The following CDC73 variants were observed in gnomAD, a reference collection of about 807,000 sequenced individuals.
CDC73 encodes the protein cell division cycle 73.
CDC73 carries 21 observed loss-of-function variants against 83.7 expected under a neutral mutation model. The observed-to-expected ratio is 0.25, with a 90% CI of 0.18 to 0.36. The LOEUF is 0.36. Ranked by LOEUF, CDC73 falls within the 10% of genes least tolerant of loss-of-function variation. The pLI, the probability that CDC73 is intolerant of heterozygous loss-of-function variation, is 1.00. For synonymous variants in CDC73, 224 were observed against 212.9 expected (o/e 1.05, Z -0.45); for missense variants, 342 against 653.3 (o/e 0.52, Z 5.19).
chr1:193,214,949 G>C (rs1273831604), intron 13 of CDC73, among the ~76,000 whole-genome samples: 5 of 152,170 alleles, frequency 3.3e-5, no homozygotes, highest in African/African-American at 1.2e-4. Context: ...TAACTAAAAA[G>C]TAAATTACTC....
chr1:193,152,482 G>T (rs1047229257), intron 10 of CDC73, 38 bp downstream of exon 10: 2 of 1,340,854 alleles, frequency 1.5e-6, no homozygotes, highest in South Asian at 2.3e-5. Flanking sequence ...TTTGTTCCAG[G>T]GATTTTATGT....
intron 15 of CDC73, among the ~76,000 whole-genome samples, chr1:193,247,828 T>C (rs1677979870): frequency 6.6e-6 from 1 of 152,076 alleles, no homozygotes; most frequent in Non-Finnish European, 1.5e-5. Context: ...GAGGAGAGAA[T>C]TCTGCAGAAG....
chr1:193,206,782 C>T (rs951198783), intron 11 of CDC73, among the ~76,000 whole-genome samples: 6 of 152,140 alleles, frequency 3.9e-5, no homozygotes, highest in African/African-American at 2.4e-5. Context: ...TTTGAGCATT[C>T]ACAAATTTTT....
chr1:193,188,564 A>G (rs1485495597), intron 10 of CDC73, among the ~76,000 whole-genome samples: 1 of 152,144 alleles, frequency 6.6e-6, no homozygotes, highest in Non-Finnish European at 1.5e-5. Flanking sequence ...GTGTACCAAC[A>G]TGTGCATTTA....
chr1:193,217,175 C>G (rs917881767), intron 13 of CDC73, among the ~76,000 whole-genome samples: 1 of 152,130 alleles, frequency 6.6e-6, no homozygotes, highest in Admixed American at 6.5e-5. Context: ...GGGGAGCACA[C>G]CGACGGGCAG....
intron 7 of CDC73, among the ~76,000 whole-genome samples, chr1:193,145,036 T>G (rs1675972690): frequency 6.6e-6 from 1 of 152,192 alleles, no homozygotes; most frequent in South Asian, 2.1e-4. Flanking sequence ...CTAGTGAGTC[T>G]TTTACAAATA....
intron 5 of CDC73, among the ~76,000 whole-genome samples, chr1:193,136,984 A>AT (rs36000842): frequency 0.62 from 94,291 of 151,458 alleles, 29,759 homozygotes; most frequent in South Asian, 0.77. Context: ...GGCATAATAC[A>AT]TTTTTTTCCA....
At chr1:193,151,750 G>A (rs965451805) in intron 9 of CDC73, among the ~76,000 whole-genome samples, 5 of 151,970 alleles carry the variant, frequency 3.3e-5, no homozygotes, top group East Asian at 1.9e-4. Flanking sequence ...TGGCAAAACC[G>A]CATCTCTACT....
chr1:193,165,521 A>G (rs886835608), intron 10 of CDC73, among the ~76,000 whole-genome samples: 13 of 152,220 alleles, frequency 8.5e-5, no homozygotes, highest in African/African-American at 2.9e-4. Flanking sequence ...CTGCTGTGAC[A>G]TATTTGAAAG....
chr1:193,150,810 G>C (rs10801178), intron 9 of CDC73, among the ~76,000 whole-genome samples: 96,739 of 152,012 alleles, frequency 0.64, 31,276 homozygotes, highest in South Asian at 0.8. Context: ...TGTTATTATA[G>C]TGCCTGTCTC....
chr1:193,184,527 T>TG (rs1310216889), intron 10 of CDC73, among the ~76,000 whole-genome samples: 2 of 151,930 alleles, frequency 1.3e-5, no homozygotes, highest in Non-Finnish European at 2.9e-5. Flanking sequence ...ATGAAGTTCA[T>TG]GGGGAGAATG....
At chr1:193,171,778 G>A (rs1002971570) in intron 10 of CDC73, among the ~76,000 whole-genome samples, 1 of 152,124 alleles carries the variant, frequency 6.6e-6, no homozygotes, top group Non-Finnish European at 1.5e-5. Context: ...GGTTCTGGGG[G>A]CTAGGGCGAA....
chr1:193,185,423 A>G (rs567749650), intron 10 of CDC73, among the ~76,000 whole-genome samples: 79 of 152,124 alleles, frequency 5.2e-4, no homozygotes, highest in Non-Finnish European at 9.6e-4. Context: ...TCCTTTTAGT[A>G]TCTTCTTGTA....
intron 3 of CDC73, among the ~76,000 whole-genome samples, chr1:193,131,169 A>G (rs1317339686): frequency 6.6e-6 from 1 of 152,130 alleles, no homozygotes; most frequent in Non-Finnish European, 1.5e-5. Context: ...CTGAAATTTA[A>G]CACTGAAAAT....
chr1:193,215,112 C>T (rs1402302615), intron 13 of CDC73, among the ~76,000 whole-genome samples: 1 of 152,144 alleles, frequency 6.6e-6, no homozygotes, highest in African/African-American at 2.4e-5. Context: ...AATATACTGT[C>T]TTTTGACTCT....
intron 10 of CDC73, among the ~76,000 whole-genome samples, chr1:193,162,983 C>T (rs559190726): frequency 6.6e-6 from 1 of 152,012 alleles, no homozygotes; most frequent in East Asian, 1.9e-4. Context: ...AAAATAACAC[C>T]CCATTCAGCT....
At chr1:193,222,950 C>T (rs1677498497) in intron 13 of CDC73, among the ~76,000 whole-genome samples, 1 of 151,836 alleles carries the variant, frequency 6.6e-6, no homozygotes, top group African/African-American at 2.4e-5. Flanking sequence ...TATAGTTGTC[C>T]ATTTCTTTGG....
intron 6 of CDC73, among the ~76,000 whole-genome samples, chr1:193,141,351 T>G (rs139331084): frequency 3.1e-4 from 47 of 152,294 alleles, no homozygotes; most frequent in Non-Finnish European, 6.5e-4. Flanking sequence ...TTCCAGAGAT[T>G]AAAGGAGTAT....
At chr1:193,242,955 CT>C (rs530654324) in intron 15 of CDC73, among the ~76,000 whole-genome samples, 360 of 142,014 alleles carry the variant, frequency 2.5e-3, no homozygotes, top group Middle Eastern at 7.2e-3. Context: ...TCTTCTTCTT[CT>C]TTTTTTTTTT....
Sources: allele counts gnomAD v4.1 joint callset (sites outside exome capture counted in the v4.1 genomes callset), GRCh38; gene constraint gnomAD v4.1.1; transcripts MANE v1.5; gene names NCBI Gene and HGNC (gene_info 2026-07-23, HGNC 2026-07-21).